The following CACYBP variants were observed in gnomAD, a reference collection of about 807,000 sequenced individuals.
CACYBP encodes the protein calcyclin binding protein.
In CACYBP, 11 loss-of-function variants were observed where a neutral mutation model predicts 29.6. The observed-to-expected ratio is 0.37, with a 90% CI of 0.23 to 0.61. CACYBP has a LOEUF of 0.61. CACYBP is among the 20% of genes least tolerant of loss of function. The pLI is 0.65. For missense variants in CACYBP, 163 were observed against 260.7 expected (o/e 0.63, Z 2.58); for synonymous variants, 73 against 88.3 (o/e 0.83, Z 0.97).
intron 5 of CACYBP, among the ~76,000 whole-genome samples, chr1:175,009,431 A>C (rs1486067971): frequency 3.3e-5 from 5 of 152,006 alleles, no homozygotes; most frequent in Admixed American, 3.3e-4. Context: ...GGATCACCTG[A>C]GGTCAGGAGT....
intron 1 of CACYBP, 141 bp downstream of exon 1, chr1:175,000,336 G>C (rs1473918759): frequency 6.9e-7 from 1 of 1,459,474 alleles, no homozygotes; most frequent in African/African-American, 1.5e-5. Context: ...CTTCCCGGGG[G>C]ACACCTCACT....
intron 1 of CACYBP, among the ~76,000 whole-genome samples, chr1:175,002,051 T>TATA (rs1672505073): frequency 6.6e-6 from 1 of 152,174 alleles, no homozygotes; most frequent in African/African-American, 2.4e-5. Flanking sequence ...TGGCCTTATT[T>TATA]CCACTTCGTG....
In CACYBP at chr1:175,011,085, C is replaced by CAGAT. The variant is rs1553305526; in HGVS notation, c.*1007_*1010dup. On this transcript the variant is annotated 3_prime_UTR_variant, in exon 6 of 6. Coordinates refer to ENST00000367679, the MANE Select transcript of CACYBP (RefSeq NM_014412.3). The stretch of plus-strand genomic sequence containing the variant: ...TGCCACTGTACTGCAGCTTGGGTAA[C>CAGAT]AGATTGAGAACCTGTCTCATTAAAA... 6.8e-5 allele frequency: 8 copies of CAGAT among 117,782 alleles called. No individual in the cohort carries two copies. The Admixed American group carries it at 8.1e-4, about 12-fold the overall frequency. The allele number at this position is 117,782 out of a possible 1,614,324, so 7.3% of individuals were successfully genotyped here.
intron 1 of CACYBP, among the ~76,000 whole-genome samples, chr1:175,002,836 GTACCTTTC>G (rs1672525562): frequency 6.6e-6 from 1 of 152,144 alleles, no homozygotes; most frequent in African/African-American, 2.4e-5. Context: ...CTAATTCGAA[GTACCTTTC>G]TCATTCTGCT....
At chr1:175,000,819 T>TGTA (rs1489584889) in intron 1 of CACYBP, among the ~76,000 whole-genome samples, 9 of 152,262 alleles carry the variant, frequency 5.9e-5, no homozygotes, top group Non-Finnish European at 1.3e-4. Flanking sequence ...GAAAGTTAGT[T>TGTA]GTAATTAATA....
upstream of CACYBP, chr1:174,999,831 C>G (rs1672414203): frequency 2.7e-5 from 12 of 446,916 alleles, 1 homozygote; most frequent in Non-Finnish European, 3.2e-5. Flanking sequence ...CCGGTTCGCT[C>G]GCGAGACTTG....
intron 1 of CACYBP, among the ~76,000 whole-genome samples, chr1:175,004,046 A>T (rs1160895130): frequency 1.3e-5 from 2 of 149,462 alleles, no homozygotes; most frequent in South Asian, 2.1e-4. Flanking sequence ...AAAAGCAGAA[A>T]TTTTTTTTTT....
At chr1:175,002,005 G>A (rs1672504218) in intron 1 of CACYBP, among the ~76,000 whole-genome samples, 1 of 152,180 alleles carries the variant, frequency 6.6e-6, no homozygotes, top group Admixed American at 6.5e-5. Flanking sequence ...CTCGGCCTCT[G>A]AAAGTGCTGG....
chr1:175,009,834 C>T, intron 5 of CACYBP, 89 bp from the exon 6 acceptor site: 1 of 987,894 alleles, frequency 1.0e-6, no homozygotes, highest in Non-Finnish European at 1.5e-6. Context: ...CTTCTTATCC[C>T]TCTACTTCCT....
rs1672763810 is a variant in CACYBP at position 175,011,792 on chromosome 1, A to G, written c.*1713A>G. 1 of 152,274 alleles carries G rather than the reference A, an allele frequency of 6.6e-6. No homozygotes were observed. Among genetic ancestry groups the G allele is most frequent in the Admixed American group, 6.5e-5 (1 of 15,274 alleles). 9.4% of individuals were successfully genotyped at this position (152,274 alleles called of 1,614,324 possible). ...GACACATATATGGGAATGGAATGCA[A>G]AAGTTAAACTTTGGTTAACAAGAAT... On this transcript the variant is annotated 3_prime_UTR_variant, in exon 6 of 6. Transcript: ENST00000367679.
chr1:175,004,557 C>T, intron 1 of CACYBP, 57 bp from the exon 2 acceptor site: 2 of 1,040,000 alleles, frequency 1.9e-6, no homozygotes, highest in Non-Finnish European at 2.8e-6. Context: ...GTGATACGCA[C>T]AATATCAAGC....
At chr1:175,001,075 TTTG>T (rs1378582346) in intron 1 of CACYBP, among the ~76,000 whole-genome samples, 2 of 152,218 alleles carry the variant, frequency 1.3e-5, no homozygotes, top group Non-Finnish European at 2.9e-5. Flanking sequence ...TTGTTTTGTT[TTTG>T]TTTTTTAAAC....
chr1:175,003,643 T>A (rs1243763496), intron 1 of CACYBP, among the ~76,000 whole-genome samples: 1 of 152,246 alleles, frequency 6.6e-6, no homozygotes, highest in Non-Finnish European at 1.5e-5. Flanking sequence ...GATATCAAGC[T>A]GTGACACAAG....
At chr1:175,000,741 C>T (rs1396324926) in intron 1 of CACYBP, 1 of 398,666 alleles carries the variant, frequency 2.5e-6, no homozygotes, top group Non-Finnish European at 3.4e-6. Flanking sequence ...AATATGATTT[C>T]TAGGTGTTTA....
At chr1:175,000,368 C>T in intron 1 of CACYBP, 173 bp downstream of exon 1, 1 of 1,423,848 alleles carries the variant, frequency 7.0e-7, no homozygotes, top group Non-Finnish European at 9.2e-7. Flanking sequence ...GCGCCGTCGG[C>T]TCCCCAGCGC....
chr1:175,011,054 T>C lies in CACYBP; in HGVS notation c.*975T>C, dbSNP rs1200964060. The C allele has an allele frequency of 6.8e-6, 1 of 146,144 alleles. No individual in the cohort carries two copies. The allele number at this position is 146,144 out of a possible 1,614,324, so 9.1% of individuals were successfully genotyped here. On this transcript the variant is annotated 3_prime_UTR_variant, in exon 6 of 6. Coordinates refer to ENST00000367679, the MANE Select transcript of CACYBP (RefSeq NM_014412.3). The stretch of plus-strand genomic sequence containing the variant: ...AGGAGTTTAAGGCTGCAGTGAGCTA[T>C]GATGATGCCACTGTACTGCAGCTTG...
At chr1:175,000,702 G>A (rs991805747) in intron 1 of CACYBP, 1 of 703,240 alleles carries the variant, frequency 1.4e-6, no homozygotes, top group Non-Finnish European at 1.8e-6. Context: ...CTGTGTCGCA[G>A]TAGCATCCAT....
intron 1 of CACYBP, among the ~76,000 whole-genome samples, chr1:175,002,817 A>G (rs1362147377): frequency 1.3e-5 from 2 of 152,234 alleles, no homozygotes; most frequent in East Asian, 3.8e-4. Context: ...CATTGGGGGA[A>G]TCCCTTGCCT....
intron 5 of CACYBP, among the ~76,000 whole-genome samples, chr1:175,009,091 A>T (rs958990311): frequency 6.6e-6 from 1 of 152,232 alleles, no homozygotes; most frequent in Non-Finnish European, 1.5e-5. Flanking sequence ...CCTTTTAAAA[A>T]TGTGTATTCA....
Sources: allele counts gnomAD v4.1 joint callset (sites outside exome capture counted in the v4.1 genomes callset), GRCh38; gene constraint gnomAD v4.1.1; transcripts MANE v1.5; gene names NCBI Gene and HGNC (gene_info 2026-07-23, HGNC 2026-07-21).